The following ARHGAP42 variants were observed in gnomAD, a reference collection of about 807,000 sequenced individuals.
ARHGAP42 encodes the protein Rho GTPase activating protein 42, also known as rho GTPase-activating protein 42.
Under a neutral mutation model 125.0 loss-of-function variants are expected in ARHGAP42, and 63 were observed. The observed-to-expected ratio is 0.50, with a 90% CI of 0.41 to 0.62. ARHGAP42 has a LOEUF of 0.62. ARHGAP42 is among the 20% of genes least tolerant of loss of function. The pLI is 0.00. For synonymous variants in ARHGAP42, 339 were observed against 351.0 expected (o/e 0.97, Z 0.38); for missense variants, 766 against 1,024.2 (o/e 0.75, Z 3.44).
intron 21 of ARHGAP42, among the ~76,000 whole-genome samples, chr11:100,977,659 C>T (rs1025495666): frequency 2.6e-5 from 4 of 152,164 alleles, no homozygotes; most frequent in Admixed American, 1.3e-4. Flanking sequence ...TTTCCTAATG[C>T]TCTCTGAGCC....
At chr11:100,760,367 C>T (rs1032858533) in intron 1 of ARHGAP42, among the ~76,000 whole-genome samples, 3 of 152,142 alleles carry the variant, frequency 2.0e-5, no homozygotes, top group African/African-American at 7.2e-5. Flanking sequence ...TGACATCTTT[C>T]ACTAGCCTAG....
At chr11:100,723,162 T>C (rs979563397) in intron 1 of ARHGAP42, among the ~76,000 whole-genome samples, 7 of 152,208 alleles carry the variant, frequency 4.6e-5, no homozygotes, top group African/African-American at 1.7e-4. Flanking sequence ...CTTTTACCAA[T>C]ATCACACAAT....
At chr11:100,903,725 T>G (rs1484151930) in intron 4 of ARHGAP42, among the ~76,000 whole-genome samples, 1 of 77,614 alleles carries the variant, frequency 1.3e-5, no homozygotes, top group South Asian at 5.6e-4. Flanking sequence ...TATATATATA[T>G]ATATATATAT....
chr11:100,890,002 C>T (rs577886802), intron 4 of ARHGAP42, among the ~76,000 whole-genome samples: 21 of 152,060 alleles, frequency 1.4e-4, no homozygotes, highest in Admixed American at 7.9e-4. Flanking sequence ...TGTTCTCTGT[C>T]GGAAGTGAAG....
intron 17 of ARHGAP42, among the ~76,000 whole-genome samples, chr11:100,971,354 C>T (rs896172720): frequency 6.6e-6 from 1 of 151,942 alleles, no homozygotes; most frequent in African/African-American, 2.4e-5. Context: ...TTTGTAAACT[C>T]CTAGATTTGA....
intron 8 of ARHGAP42, among the ~76,000 whole-genome samples, chr11:100,938,272 C>G (rs537957376): frequency 6.6e-6 from 1 of 152,122 alleles, no homozygotes; most frequent in Admixed American, 6.6e-5. Flanking sequence ...TCACCCTTTA[C>G]CTCCAGGCTT....
chr11:100,895,858 T>A (rs1866343870), intron 4 of ARHGAP42, among the ~76,000 whole-genome samples: 1 of 152,178 alleles, frequency 6.6e-6, no homozygotes, highest in African/African-American at 2.4e-5. Flanking sequence ...TTTTTTATTA[T>A]ACTTCAAGTT....
chr11:100,924,330 T>A (rs1014251145), intron 6 of ARHGAP42, among the ~76,000 whole-genome samples: 1 of 152,144 alleles, frequency 6.6e-6, no homozygotes, highest in South Asian at 2.1e-4. Flanking sequence ...AAGATCTTAC[T>A]GCTTGTCATA....
intron 12 of ARHGAP42, among the ~76,000 whole-genome samples, chr11:100,953,524 A>G (rs1857719830): frequency 6.6e-6 from 1 of 152,234 alleles, no homozygotes; most frequent in South Asian, 2.1e-4. Flanking sequence ...AAATAGGGCC[A>G]TAGTATGAAT....
At chr11:100,751,093 C>G (rs1369927244) in intron 1 of ARHGAP42, among the ~76,000 whole-genome samples, 1 of 151,706 alleles carries the variant, frequency 6.6e-6, no homozygotes, top group Non-Finnish European at 1.5e-5. Context: ...GGCCTGCCAC[C>G]ACGCCTGGCT....
intron 16 of ARHGAP42, 49 bp downstream of exon 16, chr11:100,962,516 C>A: frequency 7.0e-7 from 1 of 1,438,260 alleles, no homozygotes; most frequent in Non-Finnish European, 9.5e-7. Flanking sequence ...TAGTTTTATG[C>A]TGCCATACTT....
chr11:100,786,317 T>C (rs935219737), intron 2 of ARHGAP42, among the ~76,000 whole-genome samples: 3 of 152,216 alleles, frequency 2.0e-5, no homozygotes, highest in African/African-American at 7.2e-5. Flanking sequence ...ACAACACTTA[T>C]TGCATTGACA....
intron 2 of ARHGAP42, among the ~76,000 whole-genome samples, chr11:100,792,600 G>A (rs866000574): frequency 6.6e-6 from 1 of 151,956 alleles, no homozygotes; most frequent in Admixed American, 6.6e-5. Context: ...CTGTTCTCTC[G>A]ATAGTTAAAA....
At chr11:100,964,453 CTAGGT>C (rs1858038336) in intron 16 of ARHGAP42, among the ~76,000 whole-genome samples, 1 of 152,140 alleles carries the variant, frequency 6.6e-6, no homozygotes, top group South Asian at 2.1e-4. Context: ...ATTCCAATTG[CTAGGT>C]TAGACCTCAT....
intron 2 of ARHGAP42, among the ~76,000 whole-genome samples, chr11:100,784,906 A>G (rs1479644725): frequency 1.3e-5 from 2 of 152,224 alleles, no homozygotes; most frequent in Non-Finnish European, 2.9e-5. Context: ...AGTAGATTTG[A>G]GGATTTTACA....
At chr11:100,869,824 A>G (rs754686905) in intron 4 of ARHGAP42, among the ~76,000 whole-genome samples, 55 of 152,308 alleles carry the variant, frequency 3.6e-4, no homozygotes, top group Admixed American at 1.3e-3. Context: ...CTTACATTGT[A>G]GATAAGATTT....
chr11:100,756,184 G>A (rs577901666), intron 1 of ARHGAP42, among the ~76,000 whole-genome samples: 107 of 130,296 alleles, frequency 8.2e-4, no homozygotes, highest in African/African-American at 3.1e-3. Context: ...CCAGGAGCTC[G>A]AGACTAGCCT....
At chr11:100,923,947 C>T (rs750249136) in intron 6 of ARHGAP42, among the ~76,000 whole-genome samples, 9 of 152,080 alleles carry the variant, frequency 5.9e-5, no homozygotes, top group Non-Finnish European at 1.0e-4. Flanking sequence ...GTATGTATGT[C>T]AATCTTTAGG....
At chr11:100,937,955 G>A (rs944720150) in intron 8 of ARHGAP42, among the ~76,000 whole-genome samples, 20 of 152,024 alleles carry the variant, frequency 1.3e-4, no homozygotes, top group Admixed American at 1.0e-3. Flanking sequence ...TGTTTTATGC[G>A]CTTACCTGAT....
Sources: allele counts gnomAD v4.1 joint callset (sites outside exome capture counted in the v4.1 genomes callset), GRCh38; gene constraint gnomAD v4.1.1; transcripts MANE v1.5; gene names NCBI Gene and HGNC (gene_info 2026-07-23, HGNC 2026-07-21).